Variants in PLA2R1 observed in about 807,000 individuals in gnomAD.
PLA2R1 encodes phospholipase A2 receptor 1.
PLA2R1 carries 158 observed loss-of-function variants against 195.9 expected under a neutral mutation model. The ratio of observed to expected loss-of-function variants is 0.81; its 90% CI spans 0.71 to 0.92. The LOEUF (loss-of-function observed/expected upper bound fraction) is 0.92. Ranked by LOEUF, PLA2R1 falls within the 40% of genes least tolerant of loss-of-function variation. The pLI is 0.00. For missense variants in PLA2R1, 1,626 were observed against 1,764.6 expected, an observed-to-expected ratio of 0.92 and a Z score of 1.41; for synonymous variants, 586 against 598.2, an observed-to-expected ratio of 0.98 and a Z score of 0.30.
At position 159,936,612 on chromosome 2, in the gene PLA2R1, CAGA is replaced by C. The variant is rs1250258446; in HGVS notation, c.*5163_*5165del. 11 of 152,180 alleles carry C rather than the reference CAGA, an allele frequency of 7.2e-5. No homozygotes were observed. The highest frequency in any genetic ancestry group is 2.7e-4 in the African/African-American group (11 of 41,432). The allele number at this position is 152,180 out of a possible 1,614,324, so 9.4% of individuals were successfully genotyped here. ...TCCTCTCTTTCCTGAGCACACAAAG[CAGA>C]AGACTTCCTGGATTTCCTTTCAGTT... is the stretch of plus-strand genomic sequence containing the variant. On this transcript the variant is annotated 3_prime_UTR_variant, in exon 30 of 30. Coordinates refer to ENST00000283243, the MANE Select transcript of PLA2R1 (RefSeq NM_007366.5).
At position 159,938,424 on chromosome 2, in the gene PLA2R1, T is replaced by A. The variant is rs1686930320; in HGVS notation, c.*3354A>T. 3 of 152,280 alleles carry A rather than the reference T, an allele frequency of 2.0e-5. No homozygotes were observed. Among genetic ancestry groups the A allele is most frequent in the Admixed American group, 2.0e-4 (3 of 15,280 alleles). The allele number at this position is 152,280 out of a possible 1,614,324, so 9.4% of individuals were successfully genotyped here. A position where few individuals can be genotyped will look rare whatever the true frequency, so the allele number is the denominator to read the frequency against. On this transcript the variant is annotated 3_prime_UTR_variant, in exon 30 of 30. Transcript: ENST00000283243. ...ATTGTTTGCTATGGCATTTCGCCTTTCTGGACGAAAAGAGTAGCTAATGGT... is the reference window on the plus strand; with the variant it reads ...ATTGTTTGCTATGGCATTTCGCCTTACTGGACGAAAAGAGTAGCTAATGGT...
chr2:159,924,031 C>T, the PLA2R1 span, among the ~76,000 whole-genome samples: 4 of 21,658 alleles, frequency 1.8e-4, no homozygotes, highest in Admixed American at 3.9e-3. Context: ...GGCAGGGCTG[C>T]GCTCTCTCTG....
intron 7 of PLA2R1, among the ~76,000 whole-genome samples, chr2:160,021,043 G>T (rs1225899865): frequency 1.3e-5 from 2 of 152,088 alleles, no homozygotes; most frequent in Non-Finnish European, 1.5e-5. Context: ...AAAATAGGAA[G>T]GCCCACTGGA....
In PLA2R1 at chr2:160,025,737, A is replaced by C. The variant is rs1693475639; in HGVS notation, c.1099+2481T>G. Among the ~76,000 whole-genome samples, 4 of 152,254 alleles carry C rather than the reference A, an allele frequency of 2.6e-5. No homozygotes were observed. The South Asian group carries it at 8.3e-4, about 32-fold the overall frequency. ...GAAGAAACAAAGAATCTATAAAACA[A>C]GCAGAAAACAATGAAAAAAATGGCA... On this transcript the variant is annotated intron_variant, in intron 6 of 29. Coordinates refer to ENST00000283243, the MANE Select transcript of PLA2R1 (RefSeq NM_007366.5).
At chr2:159,926,239 T>A in the PLA2R1 span, among the ~76,000 whole-genome samples, 1 of 152,204 alleles carries the variant, frequency 6.6e-6, no homozygotes, top group Non-Finnish European at 1.5e-5. Context: ...TAAATCAAAT[T>A]CAAGAGATTT....
In PLA2R1 at chr2:159,946,810, C is replaced by G. The variant is rs1687414541; in HGVS notation, c.3958G>C (p.Asp1320His). The change falls in exon 27 of 30, where the codon GAT becomes CAT. Residue 1320 changes from aspartate to histidine, a missense_variant. Asp to His is a moderately conservative substitution (Grantham distance 81). Coordinates refer to ENST00000283243, the MANE Select transcript of PLA2R1 (RefSeq NM_007366.5). ...VQMVWLNAQFDGNNETIKWFD... is the reference protein window; with the variant it reads ...VQMVWLNAQFHGNNETIKWFD... ...TACCCAAATCACTTACTGTTACCATCAAATTGAGCATTCAACCAAACCATC... is the reference window on the plus strand; with the variant it reads ...TACCCAAATCACTTACTGTTACCATGAAATTGAGCATTCAACCAAACCATC... 1.2e-6 allele frequency: 2 copies of G among 1,606,890 alleles called. No individual in the cohort carries two copies. Among genetic ancestry groups the G allele is most frequent in the Non-Finnish European group, 1.7e-6 (2 of 1,177,890 alleles).
intron 11 of PLA2R1, among the ~76,000 whole-genome samples, chr2:160,003,529 A>G (rs1229353966): frequency 6.6e-6 from 1 of 152,198 alleles, no homozygotes; most frequent in Non-Finnish European, 1.5e-5. Flanking sequence ...CAAAATGTAT[A>G]GAACAAATAT....
At chr2:160,037,307 A>C (rs1190016894) in intron 3 of PLA2R1, among the ~76,000 whole-genome samples, 1 of 152,204 alleles carries the variant, frequency 6.6e-6, no homozygotes, top group Non-Finnish European at 1.5e-5. Flanking sequence ...TTTCTTTTGC[A>C]CTTAGAATTA....
chr2:159,985,710 AAAC>A (rs1462259983), intron 12 of PLA2R1, among the ~76,000 whole-genome samples: 1 of 152,226 alleles, frequency 6.6e-6, no homozygotes, highest in Non-Finnish European at 1.5e-5. Context: ...GTTGGTTTAC[AAAC>A]AATATGAAAT....
chr2:159,987,582 T>C (rs1261526973), intron 11 of PLA2R1, among the ~76,000 whole-genome samples: 2 of 152,204 alleles, frequency 1.3e-5, no homozygotes, highest in East Asian at 3.8e-4. Flanking sequence ...GTGTGAAGGC[T>C]GAAATTTGGA....
At chr2:159,961,919 C>T (rs989500273) in intron 20 of PLA2R1, among the ~76,000 whole-genome samples, 1 of 152,032 alleles carries the variant, frequency 6.6e-6, no homozygotes, top group Non-Finnish European at 1.5e-5. Flanking sequence ...CTTAAAATAT[C>T]CTCTTTTAAT....
At chr2:160,055,544 T>C (rs55853219) in intron 1 of PLA2R1, among the ~76,000 whole-genome samples, 14,065 of 152,232 alleles carry the variant, frequency 0.092, 928 homozygotes, top group East Asian at 0.25. Flanking sequence ...GGCCTCCTAT[T>C]CTTCCTGCTG....
At chr2:160,033,273 A>G in intron 3 of PLA2R1, 141 bp from the exon 4 acceptor site, 1 of 579,892 alleles carries the variant, frequency 1.7e-6, no homozygotes, top group Non-Finnish European at 2.9e-6. Flanking sequence ...TTAGGTCTTT[A>G]TGATAAAATC....
intron 1 of PLA2R1, among the ~76,000 whole-genome samples, chr2:160,054,058 A>C (rs1007800716): frequency 6.6e-6 from 1 of 152,202 alleles, no homozygotes; most frequent in African/African-American, 2.4e-5. Flanking sequence ...ACCTTGGCAA[A>C]CTACCGAGCA....
At chr2:160,036,859 C>T (rs954430956) in intron 3 of PLA2R1, among the ~76,000 whole-genome samples, 1 of 151,954 alleles carries the variant, frequency 6.6e-6, no homozygotes, top group Non-Finnish European at 1.5e-5. Flanking sequence ...GATCCACTGA[C>T]CCTCGATGGC....
chr2:159,971,296 T>C (rs192859685), intron 17 of PLA2R1, among the ~76,000 whole-genome samples: 8 of 152,286 alleles, frequency 5.3e-5, no homozygotes, highest in African/African-American at 9.6e-5. Context: ...TGTTGTAGTG[T>C]TCAGAATAAA....
intron 21 of PLA2R1, 61 bp from the exon 22 acceptor site, chr2:159,955,889 C>A: frequency 2.0e-6 from 2 of 978,324 alleles, no homozygotes; most frequent in Admixed American, 2.3e-5. Flanking sequence ...GTAATCACTG[C>A]ATCCTATTTA....
intron 11 of PLA2R1, among the ~76,000 whole-genome samples, chr2:160,000,070 G>A (rs1008274518): frequency 6.6e-5 from 10 of 152,118 alleles, no homozygotes; most frequent in Admixed American, 5.9e-4. Flanking sequence ...TTACCCTAAA[G>A]GTTTCTTTCC....
chr2:160,044,921 G>C lies in PLA2R1; in HGVS notation c.346C>G (p.Arg116Gly). Residue 116 changes from arginine (R) to glycine (G), a missense_variant, in exon 2 of 30, where the codon CGC becomes GGC. Arg to Gly is a moderately radical substitution (Grantham distance 125). Transcript: ENST00000283243. ...CCTGTGATCATCTTCCTGTTACAGCGCCACCGTAAGGAAACGAGGGTGGAG... is the reference window on the plus strand; with the variant it reads ...CCTGTGATCATCTTCCTGTTACAGCCCCACCGTAAGGAAACGAGGGTGGAG... The part of the protein sequence containing the change: ...CDSTLVSLRW[R>G]CNRKMITGPL... 6.2e-7 allele frequency: 1 copy of C among 1,614,024 alleles called. No individual in the cohort carries two copies. Among genetic ancestry groups the C allele is most frequent in the Non-Finnish European group, 8.5e-7 (1 of 1,179,986 alleles).
Sources: gnomAD v4.1 joint callset for allele counts (sites outside exome capture counted in the v4.1 genomes callset) on GRCh38, gnomAD v4.1.1 for gene constraint, MANE v1.5 for transcripts, NCBI Gene and HGNC (gene_info 2026-07-23, HGNC 2026-07-21) for gene names.